IL36B: variants seen among roughly 807,000 people sequenced by gnomAD.
The protein encoded by IL36B is interleukin 36 beta.
IL36B carries 23 observed loss-of-function variants against 19.3 expected under a neutral mutation model. The ratio of observed to expected loss-of-function variants is 1.19; its 90% confidence interval spans 0.86 to 1.69. The LOEUF is 1.69. Among genes scored for constraint, IL36B ranks in the 40% most tolerant of loss-of-function variants. The probability of loss-of-function intolerance (pLI) is 0.00; values close to 1 mark genes in which losing one functional copy is unlikely to be tolerated. For synonymous variants in IL36B, 59 were observed against 59.7 expected (o/e 0.99, Z 0.05); for missense variants, 217 against 200.5 (o/e 1.08, Z -0.50).
At chr2:113,038,262 T>G (rs1309318690) in intron 1 of IL36B, among the ~76,000 whole-genome samples, 1 of 152,212 alleles carries the variant, frequency 6.6e-6, no homozygotes. Context: ...ACAGGACCCC[T>G]GGACCAGATC....
intron 5 of IL36B, chr2:113,026,038 C>A: frequency 6.3e-7 from 1 of 1,575,268 alleles, no homozygotes; most frequent in Non-Finnish European, 8.6e-7. Context: ...TCTGAGGAAC[C>A]ATGAAGAATG....
intron 1 of IL36B, among the ~76,000 whole-genome samples, chr2:113,046,423 A>G (rs1263226609): frequency 1.3e-5 from 2 of 152,060 alleles, no homozygotes; most frequent in Non-Finnish European, 2.9e-5. Flanking sequence ...GTTAGCCAGT[A>G]TGGTCTCGAT....
At chr2:113,041,776 A>G (rs1685262305) in intron 1 of IL36B, among the ~76,000 whole-genome samples, 1 of 152,204 alleles carries the variant, frequency 6.6e-6, no homozygotes, top group South Asian at 2.1e-4. Context: ...GGTCTCACCT[A>G]TGTTGCCTAG....
intron 1 of IL36B, among the ~76,000 whole-genome samples, chr2:113,037,694 A>G (rs1048590146): frequency 6.6e-6 from 1 of 151,756 alleles, no homozygotes; most frequent in Non-Finnish European, 1.5e-5. Context: ...CTGATTTTGT[A>G]CAGTCTTTAT....
chr2:113,028,102 A>G (rs778688377), intron 4 of IL36B: 3 of 1,613,768 alleles, frequency 1.9e-6, no homozygotes, highest in East Asian at 4.5e-5. Flanking sequence ...ATACAGGTCC[A>G]TGATATTTTT....
intron 1 of IL36B, among the ~76,000 whole-genome samples, chr2:113,037,605 C>T (rs574217772): frequency 5.9e-5 from 9 of 151,586 alleles, no homozygotes; most frequent in East Asian, 1.9e-4. Context: ...GCTGAAATCA[C>T]GCCACTGCAC....
Position 113,034,899 on chromosome 2 carries a change from G to A in IL36B, c.-57-3133C>T, listed in dbSNP as rs147204190. Reference sequence around the variant, plus strand: ...CAGGCTCACCTTGGCTCCTTGGCCAGGGCAGTGTGTGGTGAGGGAGTTCAG... The same window carrying A: ...CAGGCTCACCTTGGCTCCTTGGCCAAGGCAGTGTGTGGTGAGGGAGTTCAG... On this transcript the variant is annotated intron_variant, in intron 1 of 5. Coordinates refer to ENST00000259213, the MANE Select transcript of IL36B (RefSeq NM_014438.5). 9.8e-5 allele frequency among the ~76,000 whole-genome samples: 15 copies of A among 152,324 alleles called. No homozygotes were observed. The East Asian group carries it at 2.9e-3, about 29-fold the overall frequency.
intron 1 of IL36B, among the ~76,000 whole-genome samples, chr2:113,040,846 C>CT (rs982977378): frequency 2.1e-4 from 32 of 151,560 alleles, no homozygotes; most frequent in East Asian, 9.7e-4. Context: ...TAGCACTAGG[C>CT]TTTTTTTTTG....
At chr2:113,033,233 A>AC (rs1685110771) in intron 1 of IL36B, among the ~76,000 whole-genome samples, 1 of 152,044 alleles carries the variant, frequency 6.6e-6, no homozygotes, top group Non-Finnish European at 1.5e-5. Flanking sequence ...CGCTACATTT[A>AC]CTTTTTTTTT....
At chr2:113,027,496 T>TG in intron 4 of IL36B, 1 of 1,025,286 alleles carries the variant, frequency 9.8e-7, no homozygotes, top group South Asian at 3.9e-5. Flanking sequence ...GCTTTATCTT[T>TG]GGGGCACATA....
At chr2:113,039,787 G>C (rs1270365809) in intron 1 of IL36B, among the ~76,000 whole-genome samples, 1 of 152,224 alleles carries the variant, frequency 6.6e-6, no homozygotes, top group South Asian at 2.1e-4. Flanking sequence ...AAAGGCACGA[G>C]TTTATTTTTG....
chr2:113,027,183 T>C (rs1684978023), intron 4 of IL36B, among the ~76,000 whole-genome samples: 1 of 152,136 alleles, frequency 6.6e-6, no homozygotes, highest in Non-Finnish European at 1.5e-5. Context: ...ATCATAACAA[T>C]CTATCCTCAT....
At chr2:113,047,989 A>G (rs1685377392) in intron 1 of IL36B, among the ~76,000 whole-genome samples, 1 of 152,192 alleles carries the variant, frequency 6.6e-6, no homozygotes, top group Non-Finnish European at 1.5e-5. Context: ...GCAAGATGGT[A>G]GATATTAATC....
At chr2:113,026,276 C>T (rs1379361606) in intron 4 of IL36B, 1 of 1,610,242 alleles carries the variant, frequency 6.2e-7, no homozygotes, top group African/African-American at 1.3e-5. Context: ...AATACACTGC[C>T]AGGTTACACT....
rs1000287850 is a variant in IL36B at position 113,026,038 on chromosome 2, C to T, written c.391+65G>A. 9.5e-6 allele frequency: 15 copies of T among 1,575,150 alleles called. 1 individual carries two copies. Among genetic ancestry groups the T allele is most frequent in the Non-Finnish European group, 1.2e-5 (14 of 1,158,216 alleles). On this transcript the variant is annotated intron_variant, in intron 5 of 5. Coordinates refer to ENST00000259213, the MANE Select transcript of IL36B (RefSeq NM_014438.5). ...ATACTGCTGGGATCCTCTGAGGAAC[C>T]ATGAAGAATGAACGCATCTCAGAAT...
At chr2:113,029,500 C>G (rs962655740) in intron 3 of IL36B, among the ~76,000 whole-genome samples, 6 of 152,122 alleles carry the variant, frequency 3.9e-5, no homozygotes, top group Non-Finnish European at 8.8e-5. Context: ...TGCACGTAGA[C>G]CTACCAATCT....
chr2:113,038,171 G>T (rs1685193526), intron 1 of IL36B, among the ~76,000 whole-genome samples: 1 of 152,174 alleles, frequency 6.6e-6, no homozygotes, highest in South Asian at 2.1e-4. Context: ...GAGGTAGTTT[G>T]GGATCTGGGC....
intron 1 of IL36B, among the ~76,000 whole-genome samples, chr2:113,046,489 T>C (rs1685354178): frequency 6.6e-6 from 1 of 152,242 alleles, no homozygotes; most frequent in Non-Finnish European, 1.5e-5. Context: ...ATTACAGGCG[T>C]GAGCCACCGC....
chr2:113,042,679 C>T (rs1019609208), intron 1 of IL36B, among the ~76,000 whole-genome samples: 1 of 152,168 alleles, frequency 6.6e-6, no homozygotes, highest in African/African-American at 2.4e-5. Flanking sequence ...TTTAATTGTC[C>T]TCCATTCAGT....
Sources: gnomAD v4.1 joint callset for allele counts (sites outside exome capture counted in the v4.1 genomes callset) on GRCh38, gnomAD v4.1.1 for gene constraint, MANE v1.5 for transcripts, NCBI Gene and HGNC (gene_info 2026-07-23, HGNC 2026-07-21) for gene names.